The following ADARB2 variants were observed in gnomAD, a reference collection of about 807,000 sequenced individuals.
The protein encoded by ADARB2 is inactive double-stranded RNA-specific editase B2.
ADARB2 carries 25 observed loss-of-function variants against 62.2 expected under a neutral mutation model. That is an observed-to-expected ratio of 0.40 (90% confidence interval 0.29 to 0.56). The LOEUF (loss-of-function observed/expected upper bound fraction) is 0.56. Ranked by LOEUF, ADARB2 falls within the 20% of genes least tolerant of loss-of-function variation. The pLI is 0.43. For missense variants in ADARB2, 1,071 were observed against 1,077.4 expected, an observed-to-expected ratio of 0.99 and a Z score of 0.08; for synonymous variants, 572 against 500.8, an observed-to-expected ratio of 1.14 and a Z score of -1.90.
At chr10:1,459,793 CAG>C (rs1417567390) in intron 1 of ADARB2, among the ~76,000 whole-genome samples, 1 of 152,174 alleles carries the variant, frequency 6.6e-6, no homozygotes, top group Admixed American at 6.5e-5. Context: ...CACATGGACT[CAG>C]AGAGGGGAAC....
chr10:1,470,153 C>T (rs186119149), intron 1 of ADARB2, among the ~76,000 whole-genome samples: 2 of 152,370 alleles, frequency 1.3e-5, no homozygotes, highest in Admixed American at 1.3e-4. Context: ...TCACACCTTC[C>T]TAGCCATGGT....
chr10:1,390,395 T>C (rs1832559866), intron 1 of ADARB2, among the ~76,000 whole-genome samples: 2 of 152,266 alleles, frequency 1.3e-5, no homozygotes, highest in African/African-American at 2.4e-5. Flanking sequence ...CATGTGTGTC[T>C]GCATTTGTCA....
At chr10:1,329,674 G>A (rs1325085581) in intron 3 of ADARB2, among the ~76,000 whole-genome samples, 3 of 152,332 alleles carry the variant, frequency 2.0e-5, no homozygotes, top group Admixed American at 1.3e-4. Flanking sequence ...CCTGATGGCT[G>A]CTTTTAAGAT....
intron 1 of ADARB2, among the ~76,000 whole-genome samples, chr10:1,400,317 G>A (rs762118203): frequency 1.5e-4 from 23 of 152,164 alleles, no homozygotes; most frequent in Non-Finnish European, 2.4e-4. Flanking sequence ...CATAAAAGGC[G>A]CATTTAGCAA....
At chr10:1,611,262 T>C (rs1183312879) in intron 1 of ADARB2, among the ~76,000 whole-genome samples, 1 of 152,210 alleles carries the variant, frequency 6.6e-6, no homozygotes, top group Non-Finnish European at 1.5e-5. Context: ...CTTCTTCTCC[T>C]GGACCTTCAG....
At chr10:1,263,991 G>A (rs1319279219) in intron 4 of ADARB2, among the ~76,000 whole-genome samples, 4 of 152,066 alleles carry the variant, frequency 2.6e-5, no homozygotes, top group African/African-American at 7.2e-5. Flanking sequence ...GCATTTTATA[G>A]TTTAAACCTA....
At chr10:1,240,926 T>G (rs1016857497) in intron 5 of ADARB2, among the ~76,000 whole-genome samples, 2 of 152,220 alleles carry the variant, frequency 1.3e-5, no homozygotes, top group African/African-American at 2.4e-5. Flanking sequence ...CTCAGGGAAC[T>G]GAGGGATGGG....
intron 1 of ADARB2, among the ~76,000 whole-genome samples, chr10:1,600,661 CAAAA>C (rs71379153): frequency 1.4e-5 from 1 of 70,670 alleles, no homozygotes; most frequent in Non-Finnish European, 2.5e-5. Context: ...GACTCTGTCT[CAAAA>C]AAAAAAAAAA....
chr10:1,332,081 C>T (rs1033836008), intron 3 of ADARB2, among the ~76,000 whole-genome samples: 4 of 152,148 alleles, frequency 2.6e-5, no homozygotes, highest in South Asian at 2.1e-4. Flanking sequence ...CCGAAGAAGT[C>T]GAAGTCTTAA....
At position 1,540,497 on chromosome 10, in the gene ADARB2, TG is replaced by T. The variant is rs1564322871; in HGVS notation, c.101-161338del. ...CCCCACTCAGACGTAGTTCAGACCC[TG>T]GATCACAGCCGCCCAGACCCCACTC... is the stretch of plus-strand genomic sequence containing the variant. On this transcript the variant is annotated intron_variant, in intron 1 of 9. Coordinates refer to ENST00000381312, the MANE Select transcript of ADARB2 (RefSeq NM_018702.4). 1.8e-3 allele frequency among the ~76,000 whole-genome samples: 190 copies of T among 108,066 alleles called. 3 individuals carry two copies. Among genetic ancestry groups the T allele is most frequent in the African/African-American group, 3.9e-3 (123 of 31,638 alleles). 70.9% of individuals were successfully genotyped at this position (108,066 alleles called of 152,430 possible). A position where few individuals can be genotyped will look rare whatever the true frequency, so the allele number is the denominator to read the frequency against.
At chr10:1,582,291 G>A (rs553118012) in intron 1 of ADARB2, among the ~76,000 whole-genome samples, 1 of 152,134 alleles carries the variant, frequency 6.6e-6, no homozygotes, top group African/African-American at 2.4e-5. Flanking sequence ...GGCAGAGGGA[G>A]GGCCTCGCTG....
At chr10:1,677,555 G>A (rs61834216) in intron 1 of ADARB2, among the ~76,000 whole-genome samples, 9,442 of 152,230 alleles carry the variant, frequency 0.062, 322 homozygotes, top group Middle Eastern at 0.085. Context: ...GAGTGTCCTA[G>A]CCGGGACCCA....
At chr10:1,631,492 T>C (rs947005464) in intron 1 of ADARB2, among the ~76,000 whole-genome samples, 3 of 152,226 alleles carry the variant, frequency 2.0e-5, no homozygotes, top group African/African-American at 7.2e-5. Flanking sequence ...GCAAAAAATA[T>C]GCTTAACAGG....
At chr10:1,439,117 C>A in intron 1 of ADARB2, among the ~76,000 whole-genome samples, 1 of 99,322 alleles carries the variant, frequency 1.0e-5, no homozygotes, top group African/African-American at 3.8e-5. Context: ...TCCTTCACTA[C>A]GGGGCTTCTG....
intron 1 of ADARB2, among the ~76,000 whole-genome samples, chr10:1,537,273 T>C (rs1185663150): frequency 6.6e-6 from 1 of 152,210 alleles, no homozygotes; most frequent in Non-Finnish European, 1.5e-5. Flanking sequence ...TGCCATCTCA[T>C]GCCAGTCAGA....
At chr10:1,416,034 C>T (rs1832798427) in intron 1 of ADARB2, among the ~76,000 whole-genome samples, 1 of 152,236 alleles carries the variant, frequency 6.6e-6, no homozygotes, top group Admixed American at 6.5e-5. Flanking sequence ...AAACTCAAGA[C>T]CCGCCATGGG....
chr10:1,589,482 C>A (rs1321454536), intron 1 of ADARB2, among the ~76,000 whole-genome samples: 2 of 151,880 alleles, frequency 1.3e-5, no homozygotes, highest in East Asian at 1.9e-4. Flanking sequence ...CACAGTGGGG[C>A]ATCCATGGTC....
chr10:1,222,427 C>G (rs368795017), intron 6 of ADARB2, among the ~76,000 whole-genome samples: 13 of 151,666 alleles, frequency 8.6e-5, no homozygotes, highest in African/African-American at 3.2e-4. Context: ...TAATTAGATC[C>G]CATTTGTCAA....
At position 1,218,847 on chromosome 10, in the gene ADARB2, A is replaced by T. The variant is rs182728095; in HGVS notation, c.1514-1728T>A. On this transcript the variant is annotated intron_variant, in intron 6 of 9. Transcript: ENST00000381312. ...ATCACGAGGTCAGGAGATTGAGATC[A>T]TCTTGGCTAACACAGTGAAACCCCA... Among the ~76,000 whole-genome samples the T allele has an allele frequency of 7.9e-3, 1,199 of 151,884 alleles. 16 individuals are homozygous for T. The highest frequency in any genetic ancestry group is 0.034 in the Middle Eastern group (10 of 294).
Sources: gnomAD v4.1 joint callset for allele counts (sites outside exome capture counted in the v4.1 genomes callset) on GRCh38, gnomAD v4.1.1 for gene constraint, MANE v1.5 for transcripts, NCBI Gene and HGNC (gene_info 2026-07-23, HGNC 2026-07-21) for gene names.